The following TANGO6 variants were observed in gnomAD, a reference collection of about 807,000 sequenced individuals.
TANGO6 encodes the protein transport and golgi organization 6 homolog.
Under a neutral mutation model 114.2 loss-of-function variants are expected in TANGO6, and 90 were observed. The observed-to-expected ratio is 0.79, with a 90% CI of 0.66 to 0.94. The LOEUF (loss-of-function observed/expected upper bound fraction) is 0.94, where lower values mean the gene tolerates loss of function less well. Ranked by LOEUF, TANGO6 falls within the 40% of genes least tolerant of loss-of-function variation. The probability of loss-of-function intolerance (pLI) is 0.00; values close to 1 mark genes in which losing one functional copy is unlikely to be tolerated. For missense variants in TANGO6, 1,274 were observed against 1,315.3 expected (o/e 0.97, Z 0.49); for synonymous variants, 477 against 509.8 (o/e 0.94, Z 0.87).
intron 14 of TANGO6, among the ~76,000 whole-genome samples, chr16:68,951,498 A>G (rs2152205668): frequency 6.6e-6 from 1 of 152,182 alleles, no homozygotes; most frequent in South Asian, 2.1e-4. Context: ...GCCAACCAGT[A>G]TGTAATAGAG....
chr16:69,018,693 C>T (rs537417559), intron 15 of TANGO6, among the ~76,000 whole-genome samples: 2 of 151,146 alleles, frequency 1.3e-5, no homozygotes, highest in South Asian at 2.1e-4. Flanking sequence ...GAGGCCGAGG[C>T]GGGCGGATCA....
chr16:68,946,437 G>T (rs762788399), intron 14 of TANGO6, among the ~76,000 whole-genome samples: 4 of 151,536 alleles, frequency 2.6e-5, no homozygotes, highest in Non-Finnish European at 2.9e-5. Context: ...CTCGTGATCC[G>T]CCCACCTCGG....
chr16:68,900,682 C>A, intron 8 of TANGO6, 136 bp downstream of exon 8: 1 of 749,420 alleles, frequency 1.3e-6, no homozygotes. Flanking sequence ...ACACTGGGAT[C>A]TTCCTATTTT....
At chr16:68,846,611 C>T (rs8054208) in intron 1 of TANGO6, 47,059 of 200,126 alleles carry the variant, frequency 0.24, 7,403 homozygotes, top group African/African-American at 0.49. Flanking sequence ...TTCTCCTGCC[C>T]CAGCCTCCCG....
intron 6 of TANGO6, among the ~76,000 whole-genome samples, chr16:68,879,176 G>T (rs1030385601): frequency 6.6e-6 from 1 of 151,688 alleles, no homozygotes; most frequent in Non-Finnish European, 1.5e-5. Flanking sequence ...TTTCTGTATT[G>T]TCCAGGCTGG....
At position 68,898,202 on chromosome 16, in the gene TANGO6, C is replaced by A. The variant is rs111729711; in HGVS notation, c.1378-2232C>A. 6.0e-3 allele frequency among the ~76,000 whole-genome samples: 912 copies of A among 152,160 alleles called. 7 individuals carry two copies. The highest frequency in any genetic ancestry group is 0.017 in the South Asian group (81 of 4,810). The stretch of plus-strand genomic sequence containing the variant: ...ATATCATCATTAGGCCTATACATGA[C>A]TTCTGAACGCTGCTGTACACAGCAC... On this transcript the variant is annotated intron_variant, in intron 7 of 17. Coordinates refer to ENST00000261778, the MANE Select transcript of TANGO6 (RefSeq NM_024562.2).
chr16:68,880,451 C>T (rs1159950518), intron 6 of TANGO6, 97 bp from the exon 7 acceptor site: 2 of 743,964 alleles, frequency 2.7e-6, no homozygotes, highest in Non-Finnish European at 4.4e-6. Context: ...GTGTTACTTA[C>T]TGAGCCATCT....
At chr16:68,890,497 C>T (rs1174126872) in intron 7 of TANGO6, among the ~76,000 whole-genome samples, 1 of 152,202 alleles carries the variant, frequency 6.6e-6, no homozygotes, top group Non-Finnish European at 1.5e-5. Context: ...TCCAAGTTTC[C>T]TGACTACTGA....
intron 7 of TANGO6, among the ~76,000 whole-genome samples, chr16:68,882,365 C>T (rs1470801584): frequency 6.6e-6 from 1 of 151,882 alleles, no homozygotes; most frequent in Non-Finnish European, 1.5e-5. Context: ...GGCGTGGTGG[C>T]AGGCACCTGT....
chr16:68,984,646 C>T (rs1207560833), intron 15 of TANGO6, among the ~76,000 whole-genome samples: 8 of 151,876 alleles, frequency 5.3e-5, no homozygotes, highest in Non-Finnish European at 7.4e-5. Context: ...CTCAGCCTCC[C>T]GAGTAGCTAG....
intron 12 of TANGO6, among the ~76,000 whole-genome samples, chr16:68,921,082 G>C (rs1412044435): frequency 7.5e-6 from 1 of 132,578 alleles, no homozygotes; most frequent in African/African-American, 2.9e-5. Flanking sequence ...TCGCGCCACT[G>C]CACTCCAGCC....
rs1201944467 is a variant in TANGO6 at position 68,880,699 on chromosome 16, T to C, written c.1377+69T>C. 3 of 1,213,752 alleles carry C rather than the reference T, an allele frequency of 2.5e-6. No homozygotes were observed. In the African/African-American group the frequency reaches 4.8e-5, roughly 19 times the overall value. The allele number at this position is 1,213,752 out of a possible 1,614,324, so 75.2% of individuals were successfully genotyped here. ...AAAATTTTTTTTAAATTTTTTCTTTTTTTGTAGAGATGGTGGGGTCTCACC... is the reference window on the plus strand; with the variant it reads ...AAAATTTTTTTTAAATTTTTTCTTTCTTTGTAGAGATGGTGGGGTCTCACC... On this transcript the variant is annotated intron_variant, in intron 7 of 17. Transcript: ENST00000261778.
At chr16:68,966,109 T>C (rs1963642601) in intron 14 of TANGO6, among the ~76,000 whole-genome samples, 1 of 152,162 alleles carries the variant, frequency 6.6e-6, no homozygotes, top group Non-Finnish European at 1.5e-5. Flanking sequence ...GGCACACACC[T>C]ATAGTCCCAG....
At chr16:69,067,810 G>A (rs1468308091) in intron 17 of TANGO6, among the ~76,000 whole-genome samples, 1 of 151,816 alleles carries the variant, frequency 6.6e-6, no homozygotes, top group Non-Finnish European at 1.5e-5. Flanking sequence ...GGTGGCACAT[G>A]ACTGTAATCC....
intron 13 of TANGO6, among the ~76,000 whole-genome samples, chr16:68,929,604 T>C (rs1567542487): frequency 6.6e-6 from 1 of 152,222 alleles, no homozygotes; most frequent in African/African-American, 2.4e-5. Context: ...CTGGCTCTCA[T>C]GTTGGGGCCT....
chr16:68,940,498 C>T (rs953389913), intron 14 of TANGO6, among the ~76,000 whole-genome samples: 1 of 152,030 alleles, frequency 6.6e-6, no homozygotes, highest in African/African-American at 2.4e-5. Context: ...GTTTTGACAT[C>T]TTAGGAAAAG....
chr16:68,886,442 A>G (rs1333610236), intron 7 of TANGO6, among the ~76,000 whole-genome samples: 3 of 151,628 alleles, frequency 2.0e-5, no homozygotes, highest in African/African-American at 7.3e-5. Context: ...GAGTTGAGGG[A>G]TGGGCTCCTG....
chr16:69,068,254 T>C (rs1240327806), intron 17 of TANGO6, among the ~76,000 whole-genome samples: 1 of 152,068 alleles, frequency 6.6e-6, no homozygotes, highest in Non-Finnish European at 1.5e-5. Flanking sequence ...TGAGCTATGA[T>C]CGTGCCACTG....
At chr16:69,024,743 T>C (rs1051674355) in intron 16 of TANGO6, among the ~76,000 whole-genome samples, 2 of 152,184 alleles carry the variant, frequency 1.3e-5, no homozygotes, top group Non-Finnish European at 2.9e-5. Flanking sequence ...ATGACCATCT[T>C]AAGTTTTTTT....
Sources: allele counts gnomAD v4.1 joint callset (sites outside exome capture counted in the v4.1 genomes callset), GRCh38; gene constraint gnomAD v4.1.1; transcripts MANE v1.5; gene names NCBI Gene and HGNC (gene_info 2026-07-23, HGNC 2026-07-21).